STPG2: variants seen among roughly 807,000 people sequenced by gnomAD.
The protein encoded by STPG2 is sperm-tail PG-rich repeat-containing protein 2.
STPG2 carries 56 observed loss-of-function variants against 54.2 expected under a neutral mutation model. The observed-to-expected ratio is 1.03, with a 90% CI of 0.83 to 1.29. The LOEUF is 1.29. STPG2 is among the 50% of genes most tolerant of loss of function. STPG2 has a pLI of 0.00. For synonymous variants in STPG2, 200 were observed against 181.8 expected (o/e 1.10, Z -0.81); for missense variants, 596 against 544.9 (o/e 1.09, Z -0.93).
At chr4:97,886,689 A>G (rs1293711950) in intron 8 of STPG2, among the ~76,000 whole-genome samples, 1 of 152,182 alleles carries the variant, frequency 6.6e-6, no homozygotes, top group Non-Finnish European at 1.5e-5. Flanking sequence ...CTTTTTAGGT[A>G]ATTACTTTCC....
At chr4:97,934,730 GC>G (rs1732684844) in intron 8 of STPG2, among the ~76,000 whole-genome samples, 1 of 152,136 alleles carries the variant, frequency 6.6e-6, no homozygotes, top group South Asian at 2.1e-4. Context: ...TTGTGGATAA[GC>G]TTTTTGATGT....
chr4:97,880,034 T>G (rs1314900623), intron 8 of STPG2, among the ~76,000 whole-genome samples: 1 of 152,156 alleles, frequency 6.6e-6, no homozygotes, highest in Admixed American at 6.6e-5. Context: ...AATAGCTAAA[T>G]TATGGACCCA....
In STPG2 at chr4:97,446,097, TA is replaced by T. The variant is rs564658117; in HGVS notation, c.463-258265del. On this transcript the variant is annotated intron_variant, in intron 4 of 4. Transcript: ENST00000522676. ...AAACTGCTTGATAATGCAATTTAAC[TA>T]AAAAAGTCTACATGCTAAAATAAGA... Among the ~76,000 whole-genome samples, 231 of 152,256 alleles carry T rather than the reference TA, an allele frequency of 1.5e-3. 1 individual carries two copies. Among genetic ancestry groups the T allele is most frequent in the Non-Finnish European group, 1.9e-3 (127 of 68,000 alleles).
chr4:97,813,190 T>C (rs989220761), intron 9 of STPG2, among the ~76,000 whole-genome samples: 1 of 152,104 alleles, frequency 6.6e-6, no homozygotes, highest in African/African-American at 2.4e-5. Flanking sequence ...TAAGAATCTT[T>C]CCTTGAATAA....
chr4:97,692,050 A>C (rs115201405), intron 10 of STPG2, among the ~76,000 whole-genome samples: 1 of 152,230 alleles, frequency 6.6e-6, no homozygotes, highest in Non-Finnish European at 1.5e-5. Flanking sequence ...CAAGTCCCAG[A>C]TTTTCCCTCT....
chr4:98,079,161 C>T (rs1195605081), intron 5 of STPG2, among the ~76,000 whole-genome samples: 1 of 152,120 alleles, frequency 6.6e-6, no homozygotes, highest in Non-Finnish European at 1.5e-5. Flanking sequence ...AATACTTTTG[C>T]ATAAACTGTT....
chr4:97,597,746 A>T (rs183165658), intron 10 of STPG2, among the ~76,000 whole-genome samples: 183 of 152,280 alleles, frequency 1.2e-3, no homozygotes, highest in Non-Finnish European at 2.1e-3. Context: ...GAAGTATAAG[A>T]GCCATCTATG....
chr4:97,814,332 T>C (rs1236448430), intron 9 of STPG2, among the ~76,000 whole-genome samples: 1 of 151,986 alleles, frequency 6.6e-6, no homozygotes, highest in African/African-American at 2.4e-5. Flanking sequence ...TTTGTTTTGT[T>C]TTGTTTTTTG....
chr4:97,950,767 G>A (rs1733434729), intron 7 of STPG2, among the ~76,000 whole-genome samples: 1 of 152,158 alleles, frequency 6.6e-6, no homozygotes, highest in African/African-American at 2.4e-5. Flanking sequence ...TTAGTTTATA[G>A]TTTAACTTTG....
chr4:97,817,288 T>C (rs895706479), intron 9 of STPG2, among the ~76,000 whole-genome samples: 4 of 151,274 alleles, frequency 2.6e-5, no homozygotes, highest in African/African-American at 9.7e-5. Context: ...TTAAAGATCC[T>C]ACTGGCACTA....
chr4:97,737,102 G>T (rs1365766985), intron 9 of STPG2, among the ~76,000 whole-genome samples: 2 of 152,186 alleles, frequency 1.3e-5, no homozygotes, highest in Admixed American at 1.3e-4. Context: ...GGCAACCAGG[G>T]TCTGGAGTGG....
intron 10 of STPG2, among the ~76,000 whole-genome samples, chr4:97,608,870 T>C (rs930645223): frequency 3.9e-5 from 6 of 152,236 alleles, no homozygotes; most frequent in African/African-American, 1.4e-4. Context: ...TGCTTTGGCA[T>C]GTCGCTCTCA....
intron 10 of STPG2, among the ~76,000 whole-genome samples, chr4:97,592,793 C>T (rs1481456817): frequency 1.3e-5 from 2 of 152,114 alleles, no homozygotes; most frequent in African/African-American, 4.8e-5. Context: ...TCCCCTCTCA[C>T]CATAGACCAC....
chr4:97,548,335 G>A (rs1046377133), intron 4 of STPG2, among the ~76,000 whole-genome samples: 1 of 152,144 alleles, frequency 6.6e-6, no homozygotes, highest in Non-Finnish European at 1.5e-5. Flanking sequence ...GTGTGCTACT[G>A]ATGTCATGAA....
intron 8 of STPG2, among the ~76,000 whole-genome samples, chr4:97,930,814 G>C (rs960330522): frequency 1.3e-5 from 2 of 152,036 alleles, no homozygotes; most frequent in African/African-American, 4.8e-5. Context: ...CCATGAGCGT[G>C]GTATGTTTTT....
intron 3 of STPG2, 116 bp from the exon 4 acceptor site, chr4:98,109,421 G>C (rs903370934): frequency 1.1e-5 from 8 of 700,170 alleles, no homozygotes; most frequent in Non-Finnish European, 1.9e-5. Flanking sequence ...CAGTAAGGGG[G>C]TTCCACTGGT....
chr4:97,818,276 T>C (rs939642468), intron 9 of STPG2, among the ~76,000 whole-genome samples: 1 of 151,970 alleles, frequency 6.6e-6, no homozygotes, highest in Non-Finnish European at 1.5e-5. Flanking sequence ...CTCCAGTGTA[T>C]GCCTGAAATC....
chr4:97,484,602 A>G (rs1301351857), intron 4 of STPG2, among the ~76,000 whole-genome samples: 1 of 151,864 alleles, frequency 6.6e-6, no homozygotes, highest in African/African-American at 2.4e-5. Context: ...CCAGGACCAG[A>G]CGAATTCACA....
intron 10 of STPG2, among the ~76,000 whole-genome samples, chr4:97,665,217 G>A (rs1368376826): frequency 6.6e-6 from 1 of 152,210 alleles, no homozygotes; most frequent in Admixed American, 6.5e-5. Context: ...AGCAACAGGA[G>A]TATTTCAGCT....
Sources: allele counts gnomAD v4.1 joint callset (sites outside exome capture counted in the v4.1 genomes callset), GRCh38; gene constraint gnomAD v4.1.1; transcripts MANE v1.5; gene names NCBI Gene and HGNC (gene_info 2026-07-23, HGNC 2026-07-21).